The following SKA1 variants were observed in gnomAD, a reference collection of about 807,000 sequenced individuals.
SKA1 encodes the protein SKA complex subunit 1.
SKA1 carries 20 observed loss-of-function variants against 31.8 expected under a neutral mutation model. The observed-to-expected ratio is 0.63, with a 90% CI of 0.44 to 0.91. SKA1 has a LOEUF of 0.91. SKA1 is among the 40% of genes least tolerant of loss of function. SKA1 has a pLI of 0.00. For missense variants in SKA1, 253 were observed against 298.2 expected (o/e 0.85, Z 1.12); for synonymous variants, 88 against 100.5 (o/e 0.88, Z 0.74).
At chr18:50,375,695 A>G in intron 1 of SKA1, 125 bp from the exon 2 acceptor site, 1 of 618,352 alleles carries the variant, frequency 1.6e-6, no homozygotes, top group Non-Finnish European at 2.8e-6. Flanking sequence ...ATTGCTCTTG[A>G]ATTTTTGTGC....
rs2041364995 is a variant in SKA1 at position 50,392,361 on chromosome 18, T to TTTC, written c.*116_*117insCTT. ...TAATCTTTTTTGTTTCCTTTTTTTT[T>TTTC]TTTTTGAGACAGGATCTTGCTTTGT... On this transcript the variant is annotated 3_prime_UTR_variant, in exon 7 of 7. Coordinates refer to ENST00000285116, the MANE Select transcript of SKA1 (RefSeq NM_145060.4). 4.1e-6 allele frequency: 3 copies of TTTC among 723,188 alleles called. No homozygotes were observed. In the East Asian group the frequency reaches 1.0e-4, roughly 25 times the overall value. 44.8% of individuals were successfully genotyped at this position (723,188 alleles called of 1,614,324 possible). A position where few individuals can be genotyped will look rare whatever the true frequency, so the allele number is the denominator to read the frequency against.
rs375763517 is a variant in SKA1 at position 50,392,352 on chromosome 18, C to CTTTTTT, written c.*114_*119dup. On this transcript the variant is annotated 3_prime_UTR_variant, in exon 7 of 7. Coordinates refer to ENST00000285116, the MANE Select transcript of SKA1 (RefSeq NM_145060.4). Reference sequence around the variant, plus strand: ...TTTAACTTTTAATCTTTTTTGTTTCCTTTTTTTTTTTTTTGAGACAGGATC... The same window carrying CTTTTTT: ...TTTAACTTTTAATCTTTTTTGTTTCCTTTTTTTTTTTTTTTTTTTTGAGACAGGATC... The CTTTTTT allele has an allele frequency of 0.011, 6,152 of 570,958 alleles. 412 individuals are homozygous for CTTTTTT. In the African/African-American group the frequency reaches 0.12, roughly 12 times the overall value. 35.4% of individuals were successfully genotyped at this position (570,958 alleles called of 1,614,324 possible). A position where few individuals can be genotyped will look rare whatever the true frequency, so the allele number is the denominator to read the frequency against.
chr18:50,384,037 G>A (rs2041283175), intron 4 of SKA1, among the ~76,000 whole-genome samples: 1 of 152,156 alleles, frequency 6.6e-6, no homozygotes, highest in Non-Finnish European at 1.5e-5. Context: ...CCCTTGGCTT[G>A]CTCCTGAGGC....
chr18:50,375,872 T>G lies in SKA1; in HGVS notation c.42T>G (p.Asn14Lys), dbSNP rs1360160430. 2 of 1,611,706 alleles carry G rather than the reference T, an allele frequency of 1.2e-6. No individual in the cohort carries two copies. The highest frequency in any genetic ancestry group is 1.7e-6 in the Non-Finnish European group (2 of 1,179,044). Residue 14 changes from asparagine (N) to lysine (K), a missense_variant, in exon 2 of 7, where the codon AAT becomes AAG. Transcript: ENST00000285116. The stretch of plus-strand genomic sequence containing the variant: ...TGGAACAATTATGCTCTCATGTTAA[T>G]GAAAAGATTGGCAATATTAAGAAAA... ...SDLEQLCSHV[N>K]EKIGNIKKTL...
rs1458024366 is a variant in SKA1 at position 50,392,983 on chromosome 18, C to T, written c.*736C>T. The T allele has an allele frequency of 6.6e-6, 1 of 152,122 alleles. No individual in the cohort carries two copies. The highest frequency in any genetic ancestry group is 1.5e-5 in the Non-Finnish European group (1 of 68,042). The allele number at this position is 152,122 out of a possible 1,614,324, so 9.4% of individuals were successfully genotyped here. On this transcript the variant is annotated 3_prime_UTR_variant, in exon 7 of 7. Transcript: ENST00000285116. ...TGACCTCATGATCCGCCCACCTCGG[C>T]CTCCCAAAGTGCTGGGATTACAGGC...
chr18:50,381,802 T>A (rs1466686252), intron 3 of SKA1, among the ~76,000 whole-genome samples: 9 of 146,058 alleles, frequency 6.2e-5, no homozygotes, highest in Admixed American at 3.5e-4. Flanking sequence ...CTCAGCTCAC[T>A]GCAGCCTCCT....
At position 50,375,929 on chromosome 18, in the gene SKA1, C is replaced by T. The variant is rs758257300; in HGVS notation, c.88+11C>T. Reference sequence around the variant, plus strand: ...CATTAAGAAACTGTGGTAAGTAAAACAGATTCCACTGACTTTGTATATACA... The same window carrying T: ...CATTAAGAAACTGTGGTAAGTAAAATAGATTCCACTGACTTTGTATATACA... On this transcript the variant is annotated intron_variant, in intron 2 of 6. Coordinates refer to ENST00000285116, the MANE Select transcript of SKA1 (RefSeq NM_145060.4). 2 of 1,497,588 alleles carry T rather than the reference C, an allele frequency of 1.3e-6. No individual in the cohort carries two copies. The highest frequency in any genetic ancestry group is 1.2e-5 in the South Asian group (1 of 85,694). 92.8% of individuals were successfully genotyped at this position (1,497,588 alleles called of 1,614,324 possible). A position where few individuals can be genotyped will look rare whatever the true frequency, so the allele number is the denominator to read the frequency against.
chr18:50,392,579 G>C lies in SKA1; in HGVS notation c.*332G>C, dbSNP rs1236155970. ...AGATGGGGTTTCACCATGTTGCCTA[G>C]GCTGGTCTTGAGCTCCTGAGCTCAA... On this transcript the variant is annotated 3_prime_UTR_variant, in exon 7 of 7. Coordinates refer to ENST00000285116, the MANE Select transcript of SKA1 (RefSeq NM_145060.4). The C allele has an allele frequency of 6.2e-6, 1 of 161,100 alleles. No individual in the cohort carries two copies. Among genetic ancestry groups the C allele is most frequent in the African/African-American group, 2.4e-5 (1 of 41,714 alleles). 10.0% of individuals were successfully genotyped at this position (161,100 alleles called of 1,614,324 possible). A position where few individuals can be genotyped will look rare whatever the true frequency, so the allele number is the denominator to read the frequency against.
intron 3 of SKA1, among the ~76,000 whole-genome samples, chr18:50,381,525 A>G (rs896192998): frequency 1.3e-5 from 2 of 152,188 alleles, no homozygotes; most frequent in Non-Finnish European, 2.9e-5. Flanking sequence ...TTATCTCCCA[A>G]GATTAAAGTA....
chr18:50,382,564 A>G (rs2149320555), intron 4 of SKA1, among the ~76,000 whole-genome samples: 1 of 151,796 alleles, frequency 6.6e-6, no homozygotes, highest in South Asian at 2.1e-4. Context: ...GACATTGAGT[A>G]GTGTTCTTGA....
At chr18:50,387,419 G>A (rs965929356) in intron 5 of SKA1, among the ~76,000 whole-genome samples, 2 of 152,128 alleles carry the variant, frequency 1.3e-5, no homozygotes, top group Admixed American at 6.5e-5. Context: ...TTTTTAAAGT[G>A]GGTTGTTTGT....
Position 50,384,890 on chromosome 18 carries a change from A to G in SKA1, c.312-326A>G, listed in dbSNP as rs1465120793. Among the ~76,000 whole-genome samples, 236 of 118,872 alleles carry G rather than the reference A, an allele frequency of 2.0e-3. 2 individuals are homozygous for G. The highest frequency in any genetic ancestry group is 1.0e-2 in the East Asian group (40 of 4,018). 78.0% of individuals were successfully genotyped at this position (118,872 alleles called of 152,430 possible). The stretch of plus-strand genomic sequence containing the variant: ...AAAAATTAAAAAAAAAAAAAAAAAA[A>G]GGAAAAAAAAAAAAAAGAGAAGCTA... On this transcript the variant is annotated intron_variant, in intron 4 of 6. Transcript: ENST00000285116.
At chr18:50,375,671 T>C in intron 1 of SKA1, 149 bp from the exon 2 acceptor site, 1 of 596,576 alleles carries the variant, frequency 1.7e-6, no homozygotes, top group Non-Finnish European at 2.9e-6. Context: ...CTGAATGTTG[T>C]AGAAATGAAA....
chr18:50,378,024 G>GACAAGAA (rs1192268318), intron 2 of SKA1, among the ~76,000 whole-genome samples: 6 of 152,268 alleles, frequency 3.9e-5, no homozygotes, highest in African/African-American at 1.4e-4. Context: ...TTGGTTGGGC[G>GACAAGAA]ACAGTTTCTG....
intron 5 of SKA1, 83 bp from the exon 6 acceptor site, chr18:50,391,041 G>T: frequency 1.0e-6 from 1 of 1,000,702 alleles, no homozygotes; most frequent in South Asian, 1.9e-5. Context: ...GTTGTACAAA[G>T]TCATCATACT....
At chr18:50,390,093 G>T (rs2041344700) in intron 5 of SKA1, among the ~76,000 whole-genome samples, 1 of 152,288 alleles carries the variant, frequency 6.6e-6, no homozygotes, top group African/African-American at 2.4e-5. Flanking sequence ...TAGTTGAGAA[G>T]ATTTGAAGGA....
chr18:50,381,868 G>C (rs2149320267), intron 3 of SKA1, among the ~76,000 whole-genome samples: 1 of 152,094 alleles, frequency 6.6e-6, no homozygotes, highest in African/African-American at 2.4e-5. Context: ...TGGGACTATA[G>C]GCGCGTGCCA....
Position 50,382,136 on chromosome 18 carries a change from G to T in SKA1, c.221G>T (p.Cys74Phe), listed in dbSNP as rs948983303. The change falls in exon 4 of 7, where the codon TGT (cysteine) becomes TTT (phenylalanine). Residue 74 changes from cysteine (C) to phenylalanine (F), a missense_variant. Cys to Phe is a radical substitution (Grantham distance 205). Coordinates refer to ENST00000285116, the MANE Select transcript of SKA1 (RefSeq NM_145060.4). ...EQTNNSLKEL[C>F]ESLEEDYKDI... The stretch of plus-strand genomic sequence containing the variant: ...AGCACTTTTAAATTTTAGGAACTCT[G>T]TGAATCTCTTGAAGAAGATTACAAA... 1 of 1,529,138 alleles carries T rather than the reference G, an allele frequency of 6.5e-7. No individual in the cohort carries two copies. Among genetic ancestry groups the T allele is most frequent in the Admixed American group, 2.4e-5 (1 of 42,212 alleles). 94.7% of individuals were successfully genotyped at this position (1,529,138 alleles called of 1,614,324 possible).
intron 3 of SKA1, among the ~76,000 whole-genome samples, chr18:50,381,316 G>C (rs1001043932): frequency 7.2e-5 from 11 of 152,190 alleles, no homozygotes; most frequent in Non-Finnish European, 1.3e-4. Context: ...CTTTCAAGTA[G>C]AAATTTTCAT....
Sources: gnomAD v4.1 joint callset for allele counts (sites outside exome capture counted in the v4.1 genomes callset) on GRCh38, gnomAD v4.1.1 for gene constraint, MANE v1.5 for transcripts, NCBI Gene and HGNC (gene_info 2026-07-23, HGNC 2026-07-21) for gene names.